RBFOX1: variants seen among roughly 807,000 people sequenced by gnomAD.
The protein encoded by RBFOX1 is RNA binding fox-1 homolog 1.
In RBFOX1, 8 loss-of-function variants were observed where a neutral mutation model predicts 57.7. The observed-to-expected ratio is 0.14, with a 90% confidence interval of 0.08 to 0.25. The LOEUF (loss-of-function observed/expected upper bound fraction) is 0.25. Ranked by LOEUF, RBFOX1 falls within the 10% of genes least tolerant of loss-of-function variation. RBFOX1 has a pLI of 1.00. For synonymous variants in RBFOX1, 326 were observed against 222.4 expected, an observed-to-expected ratio of 1.47 and a Z score of -4.15; for missense variants, 611 against 548.5, an observed-to-expected ratio of 1.11 and a Z score of -1.14.
chr16:5,317,238 T>G (rs1567325408), intron 1 of RBFOX1, among the ~76,000 whole-genome samples: 1 of 152,230 alleles, frequency 6.6e-6, no homozygotes, highest in East Asian at 1.9e-4. Context: ...TGTATGTGTA[T>G]TTTCTATTGG....
intron 1 of RBFOX1, among the ~76,000 whole-genome samples, chr16:6,147,121 G>C (rs555301390): frequency 2.0e-5 from 3 of 152,306 alleles, no homozygotes; most frequent in African/African-American, 7.2e-5. Flanking sequence ...TAGAGAGCCA[G>C]AGAAATACTT....
chr16:6,702,760 T>C (rs908534390), intron 3 of RBFOX1, among the ~76,000 whole-genome samples: 1 of 152,248 alleles, frequency 6.6e-6, no homozygotes, highest in Non-Finnish European at 1.5e-5. Context: ...TTTTTTGTTA[T>C]GGTAAAATAG....
Position 6,545,029 on chromosome 16 carries a change from G to A in RBFOX1, c.-63-109574G>A, listed in dbSNP as rs564544941. Reference sequence around the variant, plus strand: ...TTTTATAGGCTGACCATCTGTCAGGGAAGTGGCAGAAGGCATTCCAATAGG... The same window carrying A: ...TTTTATAGGCTGACCATCTGTCAGGAAAGTGGCAGAAGGCATTCCAATAGG... On this transcript the variant is annotated intron_variant, in intron 2 of 15. Coordinates refer to ENST00000550418, the MANE Select transcript of RBFOX1 (RefSeq NM_018723.4). 2.0e-5 allele frequency among the ~76,000 whole-genome samples: 3 copies of A among 152,276 alleles called. No homozygotes were observed. The South Asian group carries it at 6.2e-4, about 32-fold the overall frequency.
At chr16:5,558,986 C>G (rs895112086) in intron 2 of RBFOX1, among the ~76,000 whole-genome samples, 2 of 152,010 alleles carry the variant, frequency 1.3e-5, no homozygotes, top group African/African-American at 4.8e-5. Flanking sequence ...GGGAGGTGAT[C>G]CCACACTCTC....
chr16:6,982,327 C>T (rs956419281), intron 3 of RBFOX1, among the ~76,000 whole-genome samples: 2 of 152,138 alleles, frequency 1.3e-5, no homozygotes, highest in Admixed American at 6.5e-5. Flanking sequence ...AAACCCATTC[C>T]CATTGTTGGC....
At chr16:5,866,435 A>G (rs892153319) in intron 3 of RBFOX1, among the ~76,000 whole-genome samples, 3 of 152,254 alleles carry the variant, frequency 2.0e-5, no homozygotes, top group Non-Finnish European at 4.4e-5. Context: ...AAGTAGTCAG[A>G]TAGGACAATA....
chr16:5,671,166 A>G (rs1288321948), intron 3 of RBFOX1, among the ~76,000 whole-genome samples: 2 of 152,232 alleles, frequency 1.3e-5, no homozygotes, highest in African/African-American at 4.8e-5. Context: ...TGCCCAGTGG[A>G]TGCTATTTCT....
chr16:5,607,407 G>A (rs1392835490), intron 3 of RBFOX1, among the ~76,000 whole-genome samples: 1 of 145,722 alleles, frequency 6.9e-6, no homozygotes, highest in African/African-American at 2.7e-5. Context: ...GATAGCGCAG[G>A]GTCTGCCATT....
At chr16:6,715,351 A>G (rs1271271405) in intron 3 of RBFOX1, among the ~76,000 whole-genome samples, 8 of 152,086 alleles carry the variant, frequency 5.3e-5, no homozygotes, top group Non-Finnish European at 1.2e-4. Flanking sequence ...GCGGAGGGAC[A>G]GATGGGGTGA....
intron 2 of RBFOX1, among the ~76,000 whole-genome samples, chr16:6,356,980 A>T (rs2087440983): frequency 6.6e-6 from 1 of 152,124 alleles, no homozygotes; most frequent in Non-Finnish European, 1.5e-5. Context: ...CAGCCCGGTA[A>T]TGGATTCCCC....
chr16:5,738,370 G>A (rs1444236816), intron 3 of RBFOX1, among the ~76,000 whole-genome samples: 1 of 151,886 alleles, frequency 6.6e-6, no homozygotes, highest in East Asian at 1.9e-4. Context: ...GGTGGCTCAT[G>A]CTTGTAATCC....
At chr16:6,678,408 G>A (rs1306269414) in intron 3 of RBFOX1, among the ~76,000 whole-genome samples, 2 of 152,096 alleles carry the variant, frequency 1.3e-5, no homozygotes, top group East Asian at 3.9e-4. Flanking sequence ...ACAGGCATGA[G>A]CCGCTGCACC....
chr16:5,906,232 T>C (rs2058452550), intron 4 of RBFOX1, among the ~76,000 whole-genome samples: 1 of 152,134 alleles, frequency 6.6e-6, no homozygotes. Flanking sequence ...GTAGATACAA[T>C]TAGTTAAGCT....
At chr16:7,075,481 C>G (rs1230400315) in intron 4 of RBFOX1, among the ~76,000 whole-genome samples, 2 of 152,114 alleles carry the variant, frequency 1.3e-5, no homozygotes, top group Non-Finnish European at 2.9e-5. Flanking sequence ...ACAGAAATAT[C>G]TAGATTTTTT....
At chr16:7,450,412 AAAG>A (rs1484951084) in intron 4 of RBFOX1, among the ~76,000 whole-genome samples, 5 of 151,214 alleles carry the variant, frequency 3.3e-5, no homozygotes, top group African/African-American at 1.2e-4. Context: ...AAAAAAAAAA[AAAG>A]GAGAAACTTA....
At position 6,477,038 on chromosome 16, in the gene RBFOX1, C is replaced by A. The variant is rs372602762; in HGVS notation, c.-64+159981C>A. The stretch of plus-strand genomic sequence containing the variant: ...GATTGCAGCAATGTAGTTGCCTCTT[C>A]AGGCTCCACTTGTAATTCTAGTTCT... On this transcript the variant is annotated intron_variant, in intron 2 of 15. Coordinates refer to ENST00000550418, the MANE Select transcript of RBFOX1 (RefSeq NM_018723.4). Among the ~76,000 whole-genome samples the A allele has an allele frequency of 1.8e-4, 28 of 152,322 alleles. No individual in the cohort carries two copies. The East Asian group carries it at 2.7e-3, about 15-fold the overall frequency.
intron 3 of RBFOX1, among the ~76,000 whole-genome samples, chr16:6,884,822 C>G (rs1439927562): frequency 1.3e-5 from 2 of 152,276 alleles, no homozygotes; most frequent in East Asian, 3.9e-4. Flanking sequence ...CTCTTGAACT[C>G]AGGAGGTGGA....
At chr16:5,380,660 A>AT (rs1023065152) in intron 1 of RBFOX1, among the ~76,000 whole-genome samples, 3 of 152,200 alleles carry the variant, frequency 2.0e-5, no homozygotes, top group Admixed American at 6.5e-5. Flanking sequence ...TTAAACAGAT[A>AT]TTTGAGGTAC....
chr16:7,039,640 G>C (rs896246519), intron 3 of RBFOX1, among the ~76,000 whole-genome samples: 33 of 152,142 alleles, frequency 2.2e-4, no homozygotes, highest in Non-Finnish European at 5.9e-5. Flanking sequence ...GGTGGGATCT[G>C]TATTTGCTTA....
Sources: allele counts gnomAD v4.1 joint callset (sites outside exome capture counted in the v4.1 genomes callset), GRCh38; gene constraint gnomAD v4.1.1; transcripts MANE v1.5; gene names NCBI Gene and HGNC (gene_info 2026-07-23, HGNC 2026-07-21).